The following CDCA5 variants were observed in gnomAD, a reference collection of about 807,000 sequenced individuals.
CDCA5 encodes sororin.
Under a neutral mutation model 25.7 loss-of-function variants are expected in CDCA5, and 14 were observed. The observed-to-expected ratio is 0.54, with a 90% CI of 0.36 to 0.85. The LOEUF (loss-of-function observed/expected upper bound fraction) is 0.85, where lower values mean the gene tolerates loss of function less well. CDCA5 is among the 40% of genes least tolerant of loss of function. The pLI, the probability that CDCA5 is intolerant of heterozygous loss-of-function variation, is 0.01. For missense variants in CDCA5, 307 were observed against 324.5 expected (o/e 0.95, Z 0.41); for synonymous variants, 127 against 128.7 (o/e 0.99, Z 0.09).
intron 3 of CDCA5, 29 bp downstream of exon 3, chr11:65,083,456 C>T: frequency 6.2e-7 from 1 of 1,614,200 alleles, no homozygotes; most frequent in Non-Finnish European, 8.5e-7. Context: ...GCCCGCCTAA[C>T]CACCCACAAC....
downstream of CDCA5, among the ~76,000 whole-genome samples, chr11:65,072,905 A>ATG (rs1947366466): frequency 6.8e-6 from 1 of 147,346 alleles, no homozygotes; most frequent in Admixed American, 6.7e-5. Context: ...AGCACTTACC[A>ATG]TGCACCAAGT....
intron 5 of CDCA5, chr11:65,066,755 G>A: frequency 2.3e-6 from 3 of 1,287,516 alleles, no homozygotes; most frequent in Non-Finnish European, 1.0e-6. Context: ...AGGAGAGCTG[G>A]GCTGGGAGGC....
chr11:65,066,505 T>C, intron 6 of CDCA5: 1 of 1,289,040 alleles, frequency 7.8e-7, no homozygotes. Context: ...GTGAGCAGCA[T>C]GGGGCAGCCG....
Position 65,077,841 on chromosome 11 carries a change from TTC to T in CDCA5, c.*1264_*1265del. 1 of 985,798 alleles carries T rather than the reference TTC, an allele frequency of 1.0e-6. No homozygotes were observed. The highest frequency in any genetic ancestry group is 1.2e-6 in the Non-Finnish European group (1 of 830,082). 61.1% of individuals were successfully genotyped at this position (985,798 alleles called of 1,614,324 possible). A position where few individuals can be genotyped will look rare whatever the true frequency, so the allele number is the denominator to read the frequency against. ...GACCCAGCACTCATCTTCCCTGGCATTCTCTGTTATCCACCAGCTCCTCTGCA... is the reference window on the plus strand; with the variant it reads ...GACCCAGCACTCATCTTCCCTGGCATTCTGTTATCCACCAGCTCCTCTGCA... On this transcript the variant is annotated 3_prime_UTR_variant, in exon 6 of 6. Transcript: ENST00000275517.
chr11:65,073,508 G>A (rs912045492), downstream of CDCA5, among the ~76,000 whole-genome samples: 7 of 152,270 alleles, frequency 4.6e-5, no homozygotes, highest in South Asian at 2.1e-4. Flanking sequence ...CCCAGGTGAC[G>A]CAGGAGTGGG....
downstream of CDCA5, among the ~76,000 whole-genome samples, chr11:65,076,654 G>A (rs1257625845): frequency 6.6e-6 from 1 of 152,178 alleles, no homozygotes; most frequent in Non-Finnish European, 1.5e-5. Flanking sequence ...TGTGGAGGAT[G>A]GGATGGGAGG....
intron 3 of CDCA5, chr11:65,067,904 A>C: frequency 1.2e-6 from 1 of 861,342 alleles, no homozygotes; most frequent in Non-Finnish European, 1.7e-6. Flanking sequence ...GTCCTAGCCC[A>C]GGTTTGAATG....
Position 65,079,157 on chromosome 11 carries a change from T to C in CDCA5, c.709A>G (p.Met237Val), listed in dbSNP as rs772151897. ...TCAGCAGCTTCAAACTCGGCATTCA[T>C]GGCCGCAGCCCACTCATCCAGCTCC... ...KTELDEWAAA[M>V]NAEFEAAEQF... Residue 237 changes from methionine (M) to valine (V), a missense_variant, in exon 6 of 6, where the codon ATG becomes GTG. Met to Val is a conservative substitution (Grantham distance 21). Transcript: ENST00000275517. 2.0e-6 allele frequency: 3 copies of C among 1,521,176 alleles called. No individual in the cohort carries two copies. Among genetic ancestry groups the C allele is most frequent in the East Asian group, 2.3e-5 (1 of 44,118 alleles). 94.2% of individuals were successfully genotyped at this position (1,521,176 alleles called of 1,614,324 possible). A position where few individuals can be genotyped will look rare whatever the true frequency, so the allele number is the denominator to read the frequency against.
chr11:65,068,393 G>A, intron 2 of CDCA5: 1 of 753,946 alleles, frequency 1.3e-6, no homozygotes, highest in Non-Finnish European at 1.9e-6. Flanking sequence ...TGTGACGACG[G>A]GGGTTCAGGC....
chr11:65,068,494 G>A (rs746750915), exon 2 of CDCA5: 50 of 1,288,786 alleles, frequency 3.9e-5, no homozygotes, highest in African/African-American at 1.2e-4. Flanking sequence ...TCACCTCCAA[G>A]TTCCGCTCCT....
downstream of CDCA5, among the ~76,000 whole-genome samples, chr11:65,063,024 C>T (rs376658735): frequency 1.9e-4 from 29 of 152,312 alleles, no homozygotes; most frequent in Middle Eastern, 3.4e-3. Context: ...AGCTGACCTA[C>T]GCCAGCACAG....
chr11:65,062,889 C>G (rs965531150), downstream of CDCA5, among the ~76,000 whole-genome samples: 2 of 152,134 alleles, frequency 1.3e-5, no homozygotes, highest in Non-Finnish European at 2.9e-5. Flanking sequence ...TTCTTGCTGC[C>G]CCTCCCAGAG....
chr11:65,077,400 G>A (rs1947468265), downstream of CDCA5: 1 of 944,470 alleles, frequency 1.1e-6, no homozygotes, highest in South Asian at 4.9e-5. Context: ...CCCACTGGAG[G>A]CCTGGCCTTA....
chr11:65,070,404 T>C (rs1484011818), intron 1 of CDCA5, among the ~76,000 whole-genome samples: 1 of 152,214 alleles, frequency 6.6e-6, no homozygotes, highest in Admixed American at 6.5e-5. Context: ...TGGGTACCAG[T>C]GTACCCACGT....
chr11:65,071,333 G>T (rs1947338559), intron 1 of CDCA5, among the ~76,000 whole-genome samples: 1 of 149,718 alleles, frequency 6.7e-6, no homozygotes, highest in Middle Eastern at 3.7e-3. Flanking sequence ...TCTCTGATTT[G>T]GGAAACAGTT....
intron 4 of CDCA5, among the ~76,000 whole-genome samples, chr11:65,081,211 G>A (rs1292687881): frequency 2.0e-5 from 3 of 152,120 alleles, no homozygotes; most frequent in Non-Finnish European, 4.4e-5. Flanking sequence ...GATCACCTGA[G>A]GTCAGGAGTT....
downstream of CDCA5, among the ~76,000 whole-genome samples, chr11:65,072,935 A>ATTTT (rs1242662667): frequency 2.0e-4 from 25 of 127,160 alleles, no homozygotes; most frequent in African/African-American, 7.3e-4. Flanking sequence ...GTATTATTTC[A>ATTTT]TTCTTTTTTT....
downstream of CDCA5, among the ~76,000 whole-genome samples, chr11:65,075,811 G>A (rs902804524): frequency 3.3e-5 from 5 of 152,216 alleles, no homozygotes; most frequent in Non-Finnish European, 5.9e-5. Context: ...GCAGTCCAGA[G>A]AGCGAGGCTA....
chr11:65,076,594 G>A (rs1357888896), downstream of CDCA5, among the ~76,000 whole-genome samples: 1 of 152,204 alleles, frequency 6.6e-6, no homozygotes, highest in Non-Finnish European at 1.5e-5. Context: ...TAAGTCTGTG[G>A]AGAACTTAAT....
Sources: allele counts gnomAD v4.1 joint callset (sites outside exome capture counted in the v4.1 genomes callset), GRCh38; gene constraint gnomAD v4.1.1; transcripts MANE v1.5; gene names NCBI Gene and HGNC (gene_info 2026-07-23, HGNC 2026-07-21).